BRAF: variants seen among roughly 807,000 people sequenced by gnomAD.
BRAF encodes B-Raf proto-oncogene, serine/threonine kinase.
In BRAF, 16 loss-of-function variants were observed where a neutral mutation model predicts 104.6. The observed-to-expected ratio is 0.15, with a 90% CI of 0.10 to 0.23. The LOEUF is 0.23. Ranked by LOEUF, BRAF falls within the 10% of genes least tolerant of loss-of-function variation. The pLI, the probability that BRAF is intolerant of heterozygous loss-of-function variation, is 1.00. For synonymous variants in BRAF, 310 were observed against 341.6 expected (o/e 0.91, Z 1.02); for missense variants, 541 against 937.3 (o/e 0.58, Z 5.52).
intron 1 of BRAF, among the ~76,000 whole-genome samples, chr7:140,897,493 C>CTTTT (rs1177553423): frequency 1.7e-4 from 18 of 105,716 alleles, no homozygotes; most frequent in East Asian, 2.5e-4. Context: ...TTTCTTTTTT[C>CTTTT]TTTTTTTTTT....
At chr7:140,877,620 C>G (rs1252501009) in intron 1 of BRAF, among the ~76,000 whole-genome samples, 1 of 151,696 alleles carries the variant, frequency 6.6e-6, no homozygotes, top group Non-Finnish European at 1.5e-5. Context: ...GCAAGACTGA[C>G]AAAAAGGGAA....
chr7:140,811,210 A>G (rs1036632810), intron 3 of BRAF, among the ~76,000 whole-genome samples: 1 of 152,222 alleles, frequency 6.6e-6, no homozygotes, highest in Admixed American at 6.5e-5. Flanking sequence ...ACCTAACTGT[A>G]TTTTAAATGT....
Position 140,924,603 on chromosome 7 carries a change from G to C in BRAF, c.101C>G (p.Ala34Gly). The change falls in exon 1 of 20, where the codon GCG (alanine) becomes GGG (glycine). Residue 34 changes from alanine (A) to glycine (G), a missense_variant. By Grantham distance (60) the Ala-to-Gly change is moderately conservative. Around this residue, in one of 10 missense-constraint regions of BRAF, gnomAD observed 82 missense variants for 65.9 expected, o/e 1.24. Coordinates refer to ENST00000644969, the MANE Select transcript of BRAF (RefSeq NM_001374258.1). The surrounding 1 kb of genome is among the most constrained non-coding windows in gnomAD (Gnocchi z 4.2). ...EPEAGAGAGA[A>G]ASSAADPAIP... ...GGCAGGGTCCGCAGCCGAAGAGGCC[G>C]CGGCGCCGGCGCCGGCGCCGGCCTC... 2 of 1,528,990 alleles carry C rather than the reference G, an allele frequency of 1.3e-6. No individual in the cohort carries two copies. The highest frequency in any genetic ancestry group is 1.7e-6 in the Non-Finnish European group (2 of 1,144,228). 94.7% of individuals were successfully genotyped at this position (1,528,990 alleles called of 1,614,324 possible). A position where few individuals can be genotyped will look rare whatever the true frequency, so the allele number is the denominator to read the frequency against.
chr7:140,903,819 C>G (rs1815966439), intron 1 of BRAF, among the ~76,000 whole-genome samples: 1 of 152,118 alleles, frequency 6.6e-6, no homozygotes, highest in Non-Finnish European at 1.5e-5. Flanking sequence ...ACTTTGAGTT[C>G]AAAACTTCAA....
Position 140,850,005 on chromosome 7 carries a change from T to C in BRAF, c.240+106A>G, listed in dbSNP as rs71645942. 163 of 834,574 alleles carry C rather than the reference T, an allele frequency of 2.0e-4. No individual in the cohort carries two copies. In the African/African-American group the frequency reaches 2.5e-3, roughly 13 times the overall value. The allele number at this position is 834,574 out of a possible 1,614,324, so 51.7% of individuals were successfully genotyped here. ...AGCTAATTCTCTCTTCCCAAATCTA[T>C]TCCTAATCCCACCTCCTAAAATAAT... is the stretch of plus-strand genomic sequence containing the variant. On this transcript the variant is annotated intron_variant, in intron 2 of 19. Coordinates refer to ENST00000644969, the MANE Select transcript of BRAF (RefSeq NM_001374258.1).
intron 14 of BRAF, among the ~76,000 whole-genome samples, chr7:140,767,695 G>A (rs1249666007): frequency 6.6e-6 from 1 of 152,110 alleles, no homozygotes; most frequent in Non-Finnish European, 1.5e-5. Context: ...GTTTTCGAAG[G>A]GACTGAATAA....
At chr7:140,728,964 G>A (rs950782373) in intron 19 of BRAF, among the ~76,000 whole-genome samples, 14 of 150,788 alleles carry the variant, frequency 9.3e-5, no homozygotes, top group Non-Finnish European at 2.9e-5. Context: ...AGTGGTTCAC[G>A]CCTATAATCC....
At chr7:140,815,214 T>C (rs1804738602) in intron 3 of BRAF, among the ~76,000 whole-genome samples, 1 of 151,536 alleles carries the variant, frequency 6.6e-6, no homozygotes, top group Non-Finnish European at 1.5e-5. Context: ...CTCAGCTCAC[T>C]GCAAGCTCCA....
intron 9 of BRAF, among the ~76,000 whole-genome samples, chr7:140,786,436 A>G (rs1801365398): frequency 6.6e-6 from 1 of 152,240 alleles, no homozygotes; most frequent in African/African-American, 2.4e-5. Flanking sequence ...TACTAGGCAG[A>G]AGACAACAGG....
intron 1 of BRAF, among the ~76,000 whole-genome samples, chr7:140,860,305 T>C (rs1810267709): frequency 1.3e-5 from 2 of 152,008 alleles, no homozygotes; most frequent in Admixed American, 6.5e-5. Flanking sequence ...AAAAGACTTA[T>C]GAATAGGTAG....
chr7:140,728,253 G>A lies in BRAF; in HGVS notation c.2402-1737C>T, dbSNP rs78673840. On this transcript the variant is annotated intron_variant, in intron 19 of 19. Transcript: ENST00000644969. ...ATAGATGAGGAAGCCAGGGTTTAGA[G>A]TGGTCAAGTAACTTGCCTGAGATCA... Among the ~76,000 whole-genome samples, 1,155 of 152,260 alleles carry A rather than the reference G, an allele frequency of 7.6e-3. 59 individuals carry two copies. In the East Asian group the frequency reaches 0.14, roughly 19 times the overall value.
At chr7:140,825,309 T>C (rs1470209545) in intron 3 of BRAF, among the ~76,000 whole-genome samples, 1 of 152,156 alleles carries the variant, frequency 6.6e-6, no homozygotes, top group Non-Finnish European at 1.5e-5. Context: ...TCTTTATATA[T>C]TCTACATGTC....
intron 3 of BRAF, 197 bp downstream of exon 3, chr7:140,834,412 G>A: frequency 1.3e-6 from 1 of 779,584 alleles, no homozygotes; most frequent in Non-Finnish European, 2.0e-6. Flanking sequence ...TCCAACACTA[G>A]AGACAATACC....
Position 140,720,408 on chromosome 7 carries a change from T to C in BRAF, c.*6086A>G. ...CCCCTGTATGTAAACTAACATAACA[T>C]GAAGATAAATAAGACATAAAGGCTA... On this transcript the variant is annotated 3_prime_UTR_variant, in exon 20 of 20. Transcript: ENST00000644969. 9.4e-7 allele frequency: 1 copy of C among 1,061,998 alleles called. No homozygotes were observed. The highest frequency in any genetic ancestry group is 1.1e-6 in the Non-Finnish European group (1 of 877,322). 65.8% of individuals were successfully genotyped at this position (1,061,998 alleles called of 1,614,324 possible).
At chr7:140,790,835 A>G (rs1249261514) in intron 8 of BRAF, among the ~76,000 whole-genome samples, 2 of 152,204 alleles carry the variant, frequency 1.3e-5, no homozygotes, top group East Asian at 3.8e-4. Flanking sequence ...GGCTGGGTGC[A>G]GTGGCTCACG....
intron 3 of BRAF, 38 bp from the exon 4 acceptor site, chr7:140,809,033 A>G (rs759464298): frequency 6.6e-7 from 1 of 1,513,950 alleles, no homozygotes; most frequent in Non-Finnish European, 9.2e-7. Context: ...AGGTAAAGGG[A>G]GCAAATTACA....
At chr7:140,829,343 ATTT>A (rs558419776) in intron 3 of BRAF, among the ~76,000 whole-genome samples, 1 of 134,842 alleles carries the variant, frequency 7.4e-6, no homozygotes, top group Admixed American at 7.4e-5. Flanking sequence ...AAAGATTTAC[ATTT>A]TTTTTTTTTT....
In BRAF at chr7:140,808,973, G is replaced by A. The variant is rs780556975; in HGVS notation, c.527C>T (p.Thr176Ile). ...TGCTTTCTTTAGACTGTCTCGGACT[G>A]TAACTCCACACCTTGCAGGTACCTA... ...RTVVPARCGV[T>I]VRDSLKKALM... The change falls in exon 4 of 20, where the codon ACA becomes ATA. Residue 176 changes from threonine to isoleucine, a missense_variant. Physicochemically the swap from Thr to Ile is moderately conservative, Grantham distance 89. This residue lies in a region of BRAF where 26 missense variants were observed against 74.4 expected (regional missense o/e 0.35). Coordinates refer to ENST00000644969, the MANE Select transcript of BRAF (RefSeq NM_001374258.1). 6.2e-7 allele frequency: 1 copy of A among 1,612,690 alleles called. No homozygotes were observed. The highest frequency in any genetic ancestry group is 8.5e-7 in the Non-Finnish European group (1 of 1,179,234).
intron 2 of BRAF, among the ~76,000 whole-genome samples, chr7:140,843,559 T>A (rs1478193716): frequency 6.6e-6 from 1 of 152,238 alleles, no homozygotes; most frequent in Non-Finnish European, 1.5e-5. Flanking sequence ...ATTTTTCTCA[T>A]GTTTCCTCTA....
Sources: allele counts gnomAD v4.1 joint callset (sites outside exome capture counted in the v4.1 genomes callset), GRCh38; gene constraint gnomAD v4.1.1; regional missense constraint gnomAD v4.1.1; non-coding constraint Gnocchi (gnomAD v3.1); transcripts MANE v1.5; gene names NCBI Gene and HGNC (gene_info 2026-07-23, HGNC 2026-07-21).